Variants in VAV2 observed in about 807,000 individuals in gnomAD.
VAV2 encodes the protein vav guanine nucleotide exchange factor 2.
VAV2 carries 67 observed loss-of-function variants against 132.5 expected under a neutral mutation model. That is an observed-to-expected ratio of 0.51 (90% CI 0.42 to 0.62). The LOEUF (loss-of-function observed/expected upper bound fraction) is 0.62, where lower values mean the gene tolerates loss of function less well. VAV2 is among the 20% of genes least tolerant of loss of function. The pLI, the probability that VAV2 is intolerant of heterozygous loss-of-function variation, is 0.00. For missense variants in VAV2, 938 were observed against 1,153.6 expected (o/e 0.81, Z 2.71); for synonymous variants, 492 against 443.5 (o/e 1.11, Z -1.37).
intron 18 of VAV2, 80 bp downstream of exon 18, chr9:133,784,237 C>T: frequency 6.8e-7 from 1 of 1,465,202 alleles, no homozygotes; most frequent in Non-Finnish European, 9.6e-7. Context: ...GAACATGGGA[C>T]AGATAGAACA....
intron 12 of VAV2, 128 bp downstream of exon 12, chr9:133,795,540 C>G: frequency 1.7e-6 from 2 of 1,208,180 alleles, no homozygotes; most frequent in South Asian, 1.3e-5. Context: ...CTGCCCTGCC[C>G]CAACTCCTGC....
At chr9:133,806,509 A>G (rs1588202168) in intron 8 of VAV2, among the ~76,000 whole-genome samples, 1 of 151,196 alleles carries the variant, frequency 6.6e-6, no homozygotes, top group Non-Finnish European at 1.5e-5. Context: ...CTCAGGCCAC[A>G]CCCCGGGACC....
rs111330510 is a variant in VAV2, at chr9:133,910,844, G to A, written c.321+28259C>T. 4.3e-3 allele frequency among the ~76,000 whole-genome samples: 565 copies of A among 130,154 alleles called. 2 individuals are homozygous for A. The highest frequency in any genetic ancestry group is 0.011 in the African/African-American group (393 of 36,340). 85.4% of individuals were successfully genotyped at this position (130,154 alleles called of 152,430 possible). A position where few individuals can be genotyped will look rare whatever the true frequency, so the allele number is the denominator to read the frequency against. On this transcript the variant is annotated intron_variant, in intron 2 of 29. Coordinates refer to ENST00000371850, the MANE Select transcript of VAV2 (RefSeq NM_001134398.2). ...GTCTCAAAAAAAAAAAAAAGAAAAA[G>A]AAAAAGAAAACTGGGGACAGAAATG...
chr9:133,915,889 ACT>A (rs934126943), intron 2 of VAV2, among the ~76,000 whole-genome samples: 10 of 150,464 alleles, frequency 6.6e-5, no homozygotes, highest in African/African-American at 9.8e-5. Context: ...ACACATGCAC[ACT>A]CACACACGAT....
At chr9:133,902,377 C>T (rs1368011554) in intron 2 of VAV2, among the ~76,000 whole-genome samples, 1 of 152,198 alleles carries the variant, frequency 6.6e-6, no homozygotes, top group African/African-American at 2.4e-5. Context: ...GACACGGCTG[C>T]GGCCTTGGGG....
intron 2 of VAV2, among the ~76,000 whole-genome samples, chr9:133,866,077 C>T (rs1221309706): frequency 6.6e-6 from 1 of 152,142 alleles, no homozygotes; most frequent in Non-Finnish European, 1.5e-5. Context: ...GCCTCCATTC[C>T]ATCTCCCTCA....
Position 133,879,088 on chromosome 9 carries a change from CA to C in VAV2, c.322-17657del, listed in dbSNP as rs1838384215. Among the ~76,000 whole-genome samples the C allele has an allele frequency of 6.6e-6, 1 of 152,206 alleles. No homozygotes were observed. Among genetic ancestry groups the C allele is most frequent in the African/African-American group, 2.4e-5 (1 of 41,458 alleles). The stretch of plus-strand genomic sequence containing the variant: ...CCAGGCATCCTGTGACATAGTCTTC[CA>C]GAGGGGACCGGGCCGGGCTTGTGCT... On this transcript the variant is annotated intron_variant, in intron 2 of 29. Transcript: ENST00000371850. This position sits in a 1 kb window ranked among gnomAD's most constrained non-coding sequence, Gnocchi z 4.4.
At chr9:133,964,053 A>G (rs1252824748) in intron 1 of VAV2, among the ~76,000 whole-genome samples, 1 of 134,986 alleles carries the variant, frequency 7.4e-6, no homozygotes, top group African/African-American at 2.9e-5. Context: ...ATATATACAT[A>G]TATATACATA....
intron 9 of VAV2, among the ~76,000 whole-genome samples, chr9:133,798,480 G>C (rs1315845767): frequency 6.6e-6 from 1 of 152,184 alleles, no homozygotes; most frequent in Non-Finnish European, 1.5e-5. Context: ...TCCCCCTTCA[G>C]TGCCTTGTGC....
intron 12 of VAV2, among the ~76,000 whole-genome samples, chr9:133,793,313 C>T (rs927074656): frequency 6.6e-6 from 1 of 151,978 alleles, no homozygotes; most frequent in Non-Finnish European, 1.5e-5. Flanking sequence ...TGCAAGTGAC[C>T]AGCCAGGGCC....
intron 4 of VAV2, among the ~76,000 whole-genome samples, chr9:133,818,571 G>A (rs2131724383): frequency 6.6e-6 from 1 of 152,204 alleles, no homozygotes; most frequent in African/African-American, 2.4e-5. Flanking sequence ...TCTGACCTTT[G>A]GACTCAGACT....
intron 17 of VAV2, among the ~76,000 whole-genome samples, chr9:133,785,481 G>T (rs188913935): frequency 7.9e-5 from 12 of 152,326 alleles, no homozygotes; most frequent in Middle Eastern, 3.4e-3. Context: ...TGGGCCGGGC[G>T]TGCCAGGCTC....
At chr9:133,941,066 C>T (rs1187874644) in intron 1 of VAV2, among the ~76,000 whole-genome samples, 6 of 152,076 alleles carry the variant, frequency 3.9e-5, no homozygotes, top group Non-Finnish European at 5.9e-5. Flanking sequence ...ATCCATCTAC[C>T]GTCCAATAGG....
intron 1 of VAV2, among the ~76,000 whole-genome samples, chr9:133,968,530 C>T (rs933501303): frequency 5.9e-5 from 9 of 152,160 alleles, no homozygotes; most frequent in African/African-American, 1.9e-4. Context: ...GCGCTCGGGG[C>T]CAGTCCCATG....
At position 133,763,915 on chromosome 9, in the gene VAV2, A is replaced by T; in HGVS notation, c.*147T>A. ...GACAGTGAAACGGTTCGAGTTTAGGATTCTCAACACCCTCCCTATCCCTGT... is the reference window on the plus strand; with the variant it reads ...GACAGTGAAACGGTTCGAGTTTAGGTTTCTCAACACCCTCCCTATCCCTGT... On this transcript the variant is annotated 3_prime_UTR_variant, in exon 30 of 30. Coordinates refer to ENST00000371850, the MANE Select transcript of VAV2 (RefSeq NM_001134398.2). The surrounding 1 kb of genome is among the most constrained non-coding windows in gnomAD (Gnocchi z 6.8). 1.0e-6 allele frequency: 1 copy of T among 961,050 alleles called. No homozygotes were observed. Among genetic ancestry groups the T allele is most frequent in the Non-Finnish European group, 1.6e-6 (1 of 626,518 alleles). 59.5% of individuals were successfully genotyped at this position (961,050 alleles called of 1,614,324 possible).
intron 2 of VAV2, among the ~76,000 whole-genome samples, chr9:133,920,765 C>A (rs908031156): frequency 4.6e-5 from 7 of 152,144 alleles, no homozygotes; most frequent in Non-Finnish European, 1.0e-4. Flanking sequence ...AACATACTGG[C>A]CGCCTGCTGC....
At chr9:133,791,959 T>C in intron 12 of VAV2, 90 bp from the exon 13 acceptor site, 1 of 301,900 alleles carries the variant, frequency 3.3e-6, no homozygotes, top group Non-Finnish European at 4.9e-6. Flanking sequence ...GTGGGGTGTG[T>C]GTGCATGTGA....
At chr9:133,844,220 T>A (rs2131819022) in intron 3 of VAV2, among the ~76,000 whole-genome samples, 1 of 152,292 alleles carries the variant, frequency 6.6e-6, no homozygotes, top group Non-Finnish European at 1.5e-5. Context: ...CTGTAAGGCA[T>A]AATATATATT....
intron 2 of VAV2, among the ~76,000 whole-genome samples, chr9:133,895,769 T>C (rs1480747938): frequency 2.0e-5 from 3 of 152,158 alleles, no homozygotes; most frequent in Admixed American, 2.0e-4. Flanking sequence ...ACTGCACACT[T>C]CAAACGGGCG....
Sources: allele counts gnomAD v4.1 joint callset (sites outside exome capture counted in the v4.1 genomes callset), GRCh38; gene constraint gnomAD v4.1.1; non-coding constraint Gnocchi (gnomAD v3.1); transcripts MANE v1.5; gene names NCBI Gene and HGNC (gene_info 2026-07-23, HGNC 2026-07-21).